PLD5: variants seen among roughly 807,000 people sequenced by gnomAD.
The protein encoded by PLD5 is inactive phospholipase D5.
Under a neutral mutation model 61.1 loss-of-function variants are expected in PLD5, and 36 were observed. The observed-to-expected ratio is 0.59, with a 90% CI of 0.45 to 0.78. PLD5 has a LOEUF of 0.78. Ranked by LOEUF, PLD5 falls within the 30% of genes least tolerant of loss-of-function variation. The probability of loss-of-function intolerance (pLI) is 0.00; values close to 1 mark genes in which losing one functional copy is unlikely to be tolerated. For synonymous variants in PLD5, 243 were observed against 242.8 expected (o/e 1.00, Z -0.01); for missense variants, 515 against 644.4 (o/e 0.80, Z 2.17).
intron 2 of PLD5, among the ~76,000 whole-genome samples, chr1:242,307,930 ATAATT>A (rs60712966): frequency 0.014 from 2,171 of 152,332 alleles, 55 homozygotes; most frequent in African/African-American, 0.049. Context: ...TCCAGGGGAT[ATAATT>A]TCTCTACTTG....
chr1:242,207,792 ATATATATTTATATATATT>A (rs1669442818), intron 5 of PLD5, among the ~76,000 whole-genome samples: 4 of 35,872 alleles, frequency 1.1e-4, no homozygotes, highest in Non-Finnish European at 1.5e-4. Context: ...ATTTATATTT[ATATATATTTATATATATT>A]TATATTTATA....
Position 242,233,284 on chromosome 1 carries a change from T to C in PLD5, c.608-13169A>G, listed in dbSNP as rs146367260. On this transcript the variant is annotated intron_variant, in intron 4 of 9. Transcript: ENST00000536534. ...GGTATCTGTGACAGGTATAAGGGAC[T>C]GAGTCTCAGGGGAAGGGAATGACTT... Among the ~76,000 whole-genome samples the C allele has an allele frequency of 6.3e-3, 955 of 152,326 alleles. 5 individuals carry two copies. Among genetic ancestry groups the C allele is most frequent in the South Asian group, 0.011 (55 of 4,826 alleles).
At chr1:242,425,933 G>A (rs1264538887) in intron 1 of PLD5, among the ~76,000 whole-genome samples, 2 of 151,990 alleles carry the variant, frequency 1.3e-5, no homozygotes, top group African/African-American at 4.8e-5. Flanking sequence ...ATGAGCCACT[G>A]CACCCGGCCA....
At chr1:242,334,196 T>C (rs551725532) in intron 2 of PLD5, among the ~76,000 whole-genome samples, 2 of 152,030 alleles carry the variant, frequency 1.3e-5, no homozygotes, top group African/African-American at 4.8e-5. Flanking sequence ...GGATACAGTA[T>C]TGTATGGGCA....
intron 5 of PLD5, among the ~76,000 whole-genome samples, chr1:242,207,472 A>G (rs1669393361): frequency 6.6e-6 from 1 of 151,952 alleles, no homozygotes; most frequent in Non-Finnish European, 1.5e-5. Context: ...TTCCAGTTCT[A>G]TGTTCTAAGG....
At chr1:242,351,418 G>A (rs952092680) in intron 1 of PLD5, among the ~76,000 whole-genome samples, 1 of 152,204 alleles carries the variant, frequency 6.6e-6, no homozygotes, top group East Asian at 1.9e-4. Context: ...GACGAGGCAG[G>A]AGGTAATTGA....
At chr1:242,522,024 T>C (rs1020557525) in intron 1 of PLD5, among the ~76,000 whole-genome samples, 2 of 152,190 alleles carry the variant, frequency 1.3e-5, no homozygotes, top group African/African-American at 4.8e-5. Context: ...TCTTTAATAT[T>C]AATTCATTAA....
At chr1:242,183,466 A>G (rs191351202) in intron 5 of PLD5, among the ~76,000 whole-genome samples, 213 of 152,292 alleles carry the variant, frequency 1.4e-3, no homozygotes, top group African/African-American at 4.8e-3. Flanking sequence ...GGAAATAAAG[A>G]GAGTAAGGGG....
chr1:242,349,432 G>A (rs757943011), intron 1 of PLD5, among the ~76,000 whole-genome samples: 45 of 152,174 alleles, frequency 3.0e-4, no homozygotes, highest in Non-Finnish European at 6.0e-4. Context: ...GGTTACCTTC[G>A]GAATATGCCT....
intron 2 of PLD5, among the ~76,000 whole-genome samples, chr1:242,308,553 G>A (rs895181279): frequency 2.2e-4 from 33 of 152,074 alleles, no homozygotes; most frequent in African/African-American, 6.8e-4. Context: ...ATGTACAGAA[G>A]TGAGTGTGCA....
intron 5 of PLD5, among the ~76,000 whole-genome samples, chr1:242,164,928 T>G (rs779072926): frequency 3.2e-4 from 48 of 152,056 alleles, no homozygotes; most frequent in Non-Finnish European, 3.4e-4. Context: ...TTCATAACCT[T>G]CCACCCTTCC....
intron 5 of PLD5, among the ~76,000 whole-genome samples, chr1:242,163,120 CTCAAG>C (rs1172793697): frequency 1.3e-5 from 2 of 149,772 alleles, no homozygotes; most frequent in Non-Finnish European, 3.0e-5. Context: ...AAATACTTCC[CTCAAG>C]TCTTTTATTT....
chr1:242,508,199 A>G (rs549071045), intron 1 of PLD5, among the ~76,000 whole-genome samples: 145 of 135,430 alleles, frequency 1.1e-3, no homozygotes, highest in Non-Finnish European at 1.8e-3. Context: ...CCCTGTCTCC[A>G]CTAAAAATAC....
At chr1:242,294,487 G>T (rs1369788556) in intron 2 of PLD5, among the ~76,000 whole-genome samples, 1 of 152,156 alleles carries the variant, frequency 6.6e-6, no homozygotes, top group African/African-American at 2.4e-5. Flanking sequence ...AGTGCTGTGT[G>T]TGTATGTGTT....
upstream of PLD5, among the ~76,000 whole-genome samples, chr1:242,528,376 G>T (rs1669489672): frequency 6.6e-6 from 1 of 152,134 alleles, no homozygotes; most frequent in South Asian, 2.1e-4. Context: ...TTCATTAGCA[G>T]CTATATCAAT....
rs886987084 is a variant in PLD5, at chr1:242,440,750, C to T, written c.189+83338G>A. On this transcript the variant is annotated intron_variant, in intron 1 of 9. Transcript: ENST00000536534. ...GCCTTCTTAACTCACAGACTAAACA[C>T]AATCCACATGCTGAGCACAGAACAC... Among the ~76,000 whole-genome samples, 7 of 152,336 alleles carry T rather than the reference C, an allele frequency of 4.6e-5. No homozygotes were observed. In the South Asian group the frequency reaches 1.2e-3, roughly 27 times the overall value.
chr1:242,251,228 A>C (rs1466577538), intron 4 of PLD5, among the ~76,000 whole-genome samples: 1 of 152,220 alleles, frequency 6.6e-6, no homozygotes, highest in Non-Finnish European at 1.5e-5. Flanking sequence ...GAATGAAGCC[A>C]CAGAAGCAGA....
chr1:242,207,792 A>ATATATTTATATATATTTATATATT, intron 5 of PLD5, among the ~76,000 whole-genome samples: 1 of 35,870 alleles, frequency 2.8e-5, no homozygotes, highest in African/African-American at 1.9e-4. Flanking sequence ...ATTTATATTT[A>ATATATTTATATATATTTATATATT]TATATATTTA....
intron 1 of PLD5, among the ~76,000 whole-genome samples, chr1:242,444,472 A>G (rs1666415337): frequency 2.6e-5 from 4 of 151,772 alleles, no homozygotes. Context: ...GCCATTAGTA[A>G]TTTCTAACTA....
Sources: allele counts gnomAD v4.1 joint callset (sites outside exome capture counted in the v4.1 genomes callset), GRCh38; gene constraint gnomAD v4.1.1; transcripts MANE v1.5; gene names NCBI Gene and HGNC (gene_info 2026-07-23, HGNC 2026-07-21).